The following COL21A1 variants were observed in gnomAD, a reference collection of about 807,000 sequenced individuals.
COL21A1 encodes the protein collagen type XXI alpha 1 chain.
A neutral mutation model predicts 137.9 loss-of-function variants in COL21A1; 149 were observed. That is an observed-to-expected ratio of 1.08 (90% CI 0.95 to 1.24). COL21A1 has a LOEUF of 1.24. COL21A1 is among the 50% of genes most tolerant of loss of function. The probability of loss-of-function intolerance (pLI) is 0.00; values close to 1 mark genes in which losing one functional copy is unlikely to be tolerated. For missense variants in COL21A1, 1,167 were observed against 1,158.4 expected (o/e 1.01, Z -0.11); for synonymous variants, 456 against 391.5 (o/e 1.16, Z -1.95).
intron 1 of COL21A1, among the ~76,000 whole-genome samples, chr6:56,359,687 A>T (rs148683231): frequency 5.4e-4 from 82 of 152,300 alleles, no homozygotes; most frequent in African/African-American, 1.9e-3. Context: ...AGATTGATAT[A>T]TTAATGGAGG....
intron 1 of COL21A1, among the ~76,000 whole-genome samples, chr6:56,361,626 C>T (rs1433346618): frequency 6.6e-6 from 1 of 151,672 alleles, no homozygotes; most frequent in Non-Finnish European, 1.5e-5. Flanking sequence ...ATAATGGCAC[C>T]AAAATGGTAA....
intron 1 of COL21A1, among the ~76,000 whole-genome samples, chr6:56,361,220 T>C (rs947512146): frequency 4.6e-5 from 7 of 152,284 alleles, no homozygotes; most frequent in Admixed American, 1.3e-4. Flanking sequence ...CTCTCAGTTC[T>C]CTACACTGTA....
chr6:56,248,815 A>G (rs1487460638), upstream of COL21A1, among the ~76,000 whole-genome samples: 1 of 151,128 alleles, frequency 6.6e-6, no homozygotes, highest in African/African-American at 2.4e-5. Context: ...CAAAAATATG[A>G]TAGGAGAACA....
chr6:56,180,197 T>C (rs1203196891), intron 2 of COL21A1, 68 bp from the exon 3 acceptor site: 1 of 1,237,988 alleles, frequency 8.1e-7, no homozygotes, highest in African/African-American at 1.5e-5. Context: ...AGATTTTAAA[T>C]ATATGAGTTT....
intron 1 of COL21A1, among the ~76,000 whole-genome samples, chr6:56,245,210 T>A (rs1264880833): frequency 6.6e-6 from 1 of 152,180 alleles, no homozygotes; most frequent in Non-Finnish European, 1.5e-5. Context: ...TCATTTGGAT[T>A]TTCTTTTACA....
At position 56,166,999 on chromosome 6, in the gene COL21A1, C is replaced by G; in HGVS notation, c.1201-16G>C. The G allele has an allele frequency of 6.3e-7, 1 of 1,597,422 alleles. No homozygotes were observed. Among genetic ancestry groups the G allele is most frequent in the Non-Finnish European group, 8.6e-7 (1 of 1,168,762 alleles). On this transcript the variant is annotated splice_polypyrimidine_tract_variant and intron_variant, in intron 6 of 29. Coordinates refer to ENST00000244728, the MANE Select transcript of COL21A1 (RefSeq NM_030820.4). ...GGACATCAAACTAAGAACATAAACC[C>G]AGTAGAATTAAAGTTGAGGCACAAG... is the stretch of plus-strand genomic sequence containing the variant.
chr6:56,370,790 G>A (rs751070574), intron 1 of COL21A1, among the ~76,000 whole-genome samples: 1 of 152,126 alleles, frequency 6.6e-6, no homozygotes, highest in Non-Finnish European at 1.5e-5. Context: ...GCAGGAACAG[G>A]CCCTGGCAGG....
At chr6:56,274,547 G>A (rs1207581428) in intron 1 of COL21A1, among the ~76,000 whole-genome samples, 2 of 152,120 alleles carry the variant, frequency 1.3e-5, no homozygotes, top group Non-Finnish European at 2.9e-5. Flanking sequence ...GTAAATTTCA[G>A]TAGCATTTCT....
chr6:56,175,119 A>T (rs1777357896), intron 3 of COL21A1, among the ~76,000 whole-genome samples: 1 of 152,134 alleles, frequency 6.6e-6, no homozygotes, highest in Admixed American at 6.5e-5. Context: ...GCACTCAACA[A>T]GTAAGGAATA....
At chr6:56,084,355 C>T (rs1768047026) in intron 17 of COL21A1, among the ~76,000 whole-genome samples, 1 of 151,668 alleles carries the variant, frequency 6.6e-6, no homozygotes, top group Non-Finnish European at 1.5e-5. Context: ...ATAAAAGTTT[C>T]AGTGGATCCA....
intron 1 of COL21A1, among the ~76,000 whole-genome samples, chr6:56,346,651 T>C (rs1384988983): frequency 6.6e-6 from 1 of 152,038 alleles, no homozygotes; most frequent in Non-Finnish European, 1.5e-5. Context: ...AAAAACACAT[T>C]AAAAAATAAA....
intron 1 of COL21A1, among the ~76,000 whole-genome samples, chr6:56,327,541 C>T (rs947646988): frequency 6.6e-6 from 1 of 151,530 alleles, no homozygotes; most frequent in Non-Finnish European, 1.5e-5. Flanking sequence ...TGTAGGGGAA[C>T]ATGAAGCAAA....
At chr6:56,345,283 C>T (rs1057244290) in intron 1 of COL21A1, among the ~76,000 whole-genome samples, 1 of 152,144 alleles carries the variant, frequency 6.6e-6, no homozygotes, top group Non-Finnish European at 1.5e-5. Context: ...TGCATGACTG[C>T]TGGGGGGAGA....
intron 24 of COL21A1, among the ~76,000 whole-genome samples, chr6:56,062,414 A>C (rs1765874814): frequency 6.6e-6 from 1 of 152,158 alleles, no homozygotes; most frequent in African/African-American, 2.4e-5. Context: ...CTCTCAGGAA[A>C]GGTATTAACA....
At chr6:56,130,727 G>C (rs1773493543) in intron 12 of COL21A1, among the ~76,000 whole-genome samples, 1 of 152,074 alleles carries the variant, frequency 6.6e-6, no homozygotes, top group East Asian at 1.9e-4. Flanking sequence ...ATAATAAAAA[G>C]GTGTAGTATT....
intron 18 of COL21A1, among the ~76,000 whole-genome samples, chr6:56,075,937 G>A (rs9475556): frequency 0.55 from 83,681 of 151,258 alleles, 23,484 homozygotes; most frequent in East Asian, 0.79. Context: ...CCAGGGATGC[G>A]GCTGACTAGG....
chr6:56,123,782 C>T (rs1772761361), intron 16 of COL21A1, among the ~76,000 whole-genome samples: 1 of 152,192 alleles, frequency 6.6e-6, no homozygotes, highest in African/African-American at 2.4e-5. Flanking sequence ...CAGAAAAGAA[C>T]CTCTGTTTCT....
At chr6:56,253,169 A>C (rs1013477794) in intron 1 of COL21A1, among the ~76,000 whole-genome samples, 6 of 152,128 alleles carry the variant, frequency 3.9e-5, no homozygotes, top group Admixed American at 6.5e-5. Flanking sequence ...CCTGAAAATA[A>C]TTGGGAAATA....
In COL21A1 at chr6:56,168,142, TC is replaced by T; in HGVS notation, c.1181del (p.Gly394GlufsTer44). On this transcript the variant is annotated frameshift_variant, in exon 6 of 30. Coordinates refer to ENST00000244728, the MANE Select transcript of COL21A1 (RefSeq NM_030820.4). LOFTEE classifies it high-confidence loss of function. ...NGQTQIGKYSGKEETVQFDVQ... is the reference protein window; with the variant it reads ...NGQTQIGKYSXKEETVQFDVQ... ...TATCTACCTGAACAGTTTCTTCTTTTCCAGAATATTTTCCAATTTGGGTTTG... is the reference window on the plus strand; with the variant it reads ...TATCTACCTGAACAGTTTCTTCTTTTCAGAATATTTTCCAATTTGGGTTTG... The T allele has an allele frequency of 6.6e-7, 1 of 1,525,176 alleles. No individual in the cohort carries two copies. Among genetic ancestry groups the T allele is most frequent in the Non-Finnish European group, 8.8e-7 (1 of 1,131,550 alleles). The allele number at this position is 1,525,176 out of a possible 1,614,324, so 94.5% of individuals were successfully genotyped here.
Sources: allele counts gnomAD v4.1 joint callset (sites outside exome capture counted in the v4.1 genomes callset), GRCh38; gene constraint gnomAD v4.1.1; transcripts MANE v1.5; gene names NCBI Gene and HGNC (gene_info 2026-07-23, HGNC 2026-07-21).